The following NT5DC3 variants were observed in gnomAD, a reference collection of about 807,000 sequenced individuals.
The protein encoded by NT5DC3 is 5'-nucleotidase domain containing 3.
A neutral mutation model predicts 67.8 loss-of-function variants in NT5DC3; 42 were observed. That is an observed-to-expected ratio of 0.62 (90% confidence interval 0.48 to 0.80). The LOEUF is 0.80. Among genes scored for constraint, NT5DC3 ranks in the 30% least tolerant of loss-of-function variants. NT5DC3 has a pLI of 0.00. For synonymous variants in NT5DC3, 237 were observed against 255.6 expected (o/e 0.93, Z 0.69); for missense variants, 570 against 696.4 (o/e 0.82, Z 2.04).
At chr12:103,746,756 C>T in the NT5DC3 span, 1 of 1,574,394 alleles carries the variant, frequency 6.4e-7, no homozygotes, top group Non-Finnish European at 8.7e-7. Context: ...GGGAGAGGAG[C>T]AGGACTTGCT....
chr12:103,761,156 T>C, the NT5DC3 span: 1 of 678,062 alleles, frequency 1.5e-6, no homozygotes, highest in Non-Finnish European at 2.6e-6. Context: ...GTCCAGAGGG[T>C]GAGGAGAAGT....
chr12:103,769,718 T>C (rs1184994250), downstream of NT5DC3, among the ~76,000 whole-genome samples: 1 of 152,214 alleles, frequency 6.6e-6, no homozygotes, highest in Non-Finnish European at 1.5e-5. Flanking sequence ...CAGAAAGATA[T>C]ATGGACTGAG....
At chr12:103,764,480 C>T in the NT5DC3 span, among the ~76,000 whole-genome samples, 1 of 152,112 alleles carries the variant, frequency 6.6e-6, no homozygotes, top group African/African-American at 2.4e-5. Context: ...CCAGGGGGAC[C>T]CCTTGGCAGG....
At chr12:103,757,973 C>T in the NT5DC3 span, 4 of 729,326 alleles carry the variant, frequency 5.5e-6, no homozygotes, top group African/African-American at 5.3e-5. Flanking sequence ...TGTCTTAAAC[C>T]ATAGGATTCA....
the NT5DC3 span, among the ~76,000 whole-genome samples, chr12:103,759,892 C>G: frequency 6.6e-6 from 1 of 152,086 alleles, no homozygotes; most frequent in Admixed American, 6.5e-5. Context: ...AATAGAGACC[C>G]AAAGAACAGT....
intron 9 of NT5DC3, among the ~76,000 whole-genome samples, chr12:103,789,305 T>C (rs529864873): frequency 3.3e-5 from 5 of 152,156 alleles, no homozygotes; most frequent in Admixed American, 3.3e-4. Context: ...GCACCTGTAA[T>C]CCCAGCTACT....
In NT5DC3 at chr12:103,777,860, G is replaced by A. The variant is rs746283076; in HGVS notation, c.1616C>T (p.Thr539Ile). The A allele has an allele frequency of 2.5e-6, 4 of 1,613,898 alleles. No homozygotes were observed. Among genetic ancestry groups the A allele is most frequent in the Admixed American group, 3.3e-5 (2 of 59,996 alleles). The change falls in exon 14 of 14, where the codon ACC becomes ATC. Residue 539 changes from threonine to isoleucine, a missense_variant. By Grantham distance (89) the Thr-to-Ile change is moderately conservative. Transcript: ENST00000392876. ...GGCCTGGGCCTCCTGCAGGAGAGGGGTTCCGAAGGTGGGGGGCCTTTCTGA... is the reference window on the plus strand; with the variant it reads ...GGCCTGGGCCTCCTGCAGGAGAGGGATTCCGAAGGTGGGGGGCCTTTCTGA... Reference protein sequence around the residue: ...AWSERPPTFGTPLLQEAQAK With the variant: ...AWSERPPTFGIPLLQEAQAK
Position 103,788,597 on chromosome 12 carries a change from A to C in NT5DC3, c.1101+241T>G, listed in dbSNP as rs1043569470. ...ACTGGCATCTTATATGTTACACACT[A>C]TGAAAGTCATGCCTTAAATTTTGTT... On this transcript the variant is annotated intron_variant, in intron 10 of 13. Transcript: ENST00000392876. Among the ~76,000 whole-genome samples the C allele has an allele frequency of 2.4e-4, 36 of 152,224 alleles. 1 individual carries two copies. Among genetic ancestry groups the C allele is most frequent in the Admixed American group, 1.3e-4 (2 of 15,278 alleles).
chr12:103,838,050 C>T (rs1025687302), intron 1 of NT5DC3, among the ~76,000 whole-genome samples: 5 of 152,096 alleles, frequency 3.3e-5, no homozygotes, highest in Non-Finnish European at 7.4e-5. Context: ...AGAATCATGG[C>T]GGGAGGTGAA....
chr12:103,752,972 G>C, the NT5DC3 span, among the ~76,000 whole-genome samples: 2 of 152,170 alleles, frequency 1.3e-5, no homozygotes, highest in African/African-American at 4.8e-5. Flanking sequence ...TAGAATTGTA[G>C]GTGGTTTTTG....
intron 9 of NT5DC3, among the ~76,000 whole-genome samples, chr12:103,790,485 T>C (rs976650274): frequency 3.3e-5 from 5 of 151,762 alleles, no homozygotes; most frequent in African/African-American, 4.8e-5. Context: ...CATGTTGAAC[T>C]CCTGACCTCA....
intron 1 of NT5DC3, among the ~76,000 whole-genome samples, chr12:103,836,220 A>C (rs1319912353): frequency 1.3e-5 from 2 of 152,102 alleles, no homozygotes; most frequent in Non-Finnish European, 2.9e-5. Context: ...TTCAAAACCA[A>C]TCATGCCTTC....
At chr12:103,812,323 T>C (rs953342799) in intron 2 of NT5DC3, among the ~76,000 whole-genome samples, 1 of 152,234 alleles carries the variant, frequency 6.6e-6, no homozygotes, top group African/African-American at 2.4e-5. Context: ...CGAAGAATTA[T>C]TTTGTTTAAT....
chr12:103,787,362 T>A (rs1885834810), intron 11 of NT5DC3, 79 bp downstream of exon 11: 2 of 672,220 alleles, frequency 3.0e-6, no homozygotes, highest in Non-Finnish European at 4.9e-6. Flanking sequence ...AAAAGGTACA[T>A]CCTTAAATAA....
At chr12:103,807,617 A>G (rs1256081358) in intron 2 of NT5DC3, among the ~76,000 whole-genome samples, 2 of 152,210 alleles carry the variant, frequency 1.3e-5, no homozygotes, top group South Asian at 2.1e-4. Flanking sequence ...TCCTTGGCAC[A>G]TGGATTACGG....
downstream of NT5DC3, chr12:103,766,311 G>A (rs758266652): frequency 1.9e-6 from 3 of 1,613,944 alleles, no homozygotes; most frequent in South Asian, 3.3e-5. Flanking sequence ...CAGCTTGAGG[G>A]CAATGACCCC....
chr12:103,748,929 G>T, the NT5DC3 span: 1 of 1,591,994 alleles, frequency 6.3e-7, no homozygotes, highest in South Asian at 1.1e-5. Context: ...CACAGAAGGT[G>T]GTAAGTTGAG....
chr12:103,754,189 C>T, the NT5DC3 span, among the ~76,000 whole-genome samples: 1 of 152,068 alleles, frequency 6.6e-6, no homozygotes, highest in Non-Finnish European at 1.5e-5. Flanking sequence ...AGGACCCAGA[C>T]TCAAGGAGAA....
At chr12:103,831,127 C>A (rs543441149) in intron 1 of NT5DC3, among the ~76,000 whole-genome samples, 2 of 152,296 alleles carry the variant, frequency 1.3e-5, no homozygotes, top group South Asian at 4.1e-4. Context: ...TTGTAATCCC[C>A]ATAACCCCCA....
Sources: allele counts gnomAD v4.1 joint callset (sites outside exome capture counted in the v4.1 genomes callset), GRCh38; gene constraint gnomAD v4.1.1; transcripts MANE v1.5; gene names NCBI Gene and HGNC (gene_info 2026-07-23, HGNC 2026-07-21).